MAGI2: variants seen among roughly 807,000 people sequenced by gnomAD.
MAGI2 encodes the protein membrane associated guanylate kinase, WW and PDZ domain containing 2.
In MAGI2, 35 loss-of-function variants were observed where a neutral mutation model predicts 133.3. That is an observed-to-expected ratio of 0.26 (90% CI 0.20 to 0.35). The LOEUF is 0.35. MAGI2 is among the 10% of genes least tolerant of loss of function. The pLI, the probability that MAGI2 is intolerant of heterozygous loss-of-function variation, is 1.00. For missense variants in MAGI2, 1,636 were observed against 1,863.4 expected, an observed-to-expected ratio of 0.88 and a Z score of 2.25; for synonymous variants, 729 against 710.6, an observed-to-expected ratio of 1.03 and a Z score of -0.41.
At chr7:78,877,143 G>A (rs1253629661) in intron 2 of MAGI2, among the ~76,000 whole-genome samples, 1 of 152,152 alleles carries the variant, frequency 6.6e-6, no homozygotes, top group African/African-American at 2.4e-5. Context: ...CGTCACCTTA[G>A]AATACACACT....
At chr7:78,915,627 A>G (rs1798733470) in intron 2 of MAGI2, among the ~76,000 whole-genome samples, 1 of 151,936 alleles carries the variant, frequency 6.6e-6, no homozygotes, top group South Asian at 2.1e-4. Flanking sequence ...TCTCTAAAGT[A>G]TCATATAGCT....
intron 1 of MAGI2, among the ~76,000 whole-genome samples, chr7:79,112,191 T>C (rs1818986834): frequency 6.6e-6 from 1 of 152,112 alleles, no homozygotes; most frequent in Admixed American, 6.5e-5. Context: ...CCTACATCTC[T>C]GAAAGACATC....
chr7:78,333,100 CT>C (rs1562840263), intron 9 of MAGI2, among the ~76,000 whole-genome samples: 1 of 152,060 alleles, frequency 6.6e-6, no homozygotes, highest in African/African-American at 2.4e-5. Context: ...AGATTAAAAC[CT>C]TTTTTTAAAA....
intron 1 of MAGI2, among the ~76,000 whole-genome samples, chr7:79,158,776 C>G (rs1036756502): frequency 5.9e-5 from 9 of 151,844 alleles, no homozygotes; most frequent in Admixed American, 1.3e-4. Flanking sequence ...TGTAAATAAT[C>G]TAGGTAAACT....
intron 3 of MAGI2, among the ~76,000 whole-genome samples, chr7:78,534,505 A>C (rs1195636132): frequency 6.6e-6 from 1 of 152,222 alleles, no homozygotes; most frequent in Admixed American, 6.5e-5. Flanking sequence ...AAATAAATCA[A>C]GTTGCTTGCC....
At chr7:78,209,419 G>A (rs536480123) in intron 10 of MAGI2, among the ~76,000 whole-genome samples, 1 of 149,866 alleles carries the variant, frequency 6.7e-6, no homozygotes, top group East Asian at 2.1e-4. Flanking sequence ...GCACCATCAC[G>A]CCCCACTAAA....
At chr7:78,084,978 G>A (rs555621738) in intron 20 of MAGI2, among the ~76,000 whole-genome samples, 43 of 152,244 alleles carry the variant, frequency 2.8e-4, no homozygotes, top group African/African-American at 9.4e-4. Context: ...ATTAGATCGC[G>A]ATTGAATTAG....
intron 2 of MAGI2, among the ~76,000 whole-genome samples, chr7:78,875,482 T>C (rs191272598): frequency 2.0e-5 from 3 of 152,318 alleles, no homozygotes; most frequent in East Asian, 1.9e-4. Context: ...GACTATAAAA[T>C]TGGCGGCTTG....
intron 2 of MAGI2, among the ~76,000 whole-genome samples, chr7:78,941,979 G>T (rs1355985831): frequency 6.6e-6 from 1 of 151,934 alleles, no homozygotes; most frequent in Non-Finnish European, 1.5e-5. Flanking sequence ...TGCCTATTAA[G>T]CTTCCAATTT....
chr7:79,189,580 G>C lies in MAGI2; in HGVS notation c.302-182374C>G, dbSNP rs1827475698. Among the ~76,000 whole-genome samples, 3 of 151,520 alleles carry C rather than the reference G, an allele frequency of 2.0e-5. No individual in the cohort carries two copies. In the East Asian group the frequency reaches 5.8e-4, roughly 29 times the overall value. ...CCCCCAGCTTCCCTATTAACAACTT[G>C]CAATATGTTATATTTGTTATAATTG... On this transcript the variant is annotated intron_variant, in intron 1 of 21. Transcript: ENST00000354212.
At chr7:78,421,184 C>T (rs778504134) in intron 6 of MAGI2, among the ~76,000 whole-genome samples, 7 of 152,054 alleles carry the variant, frequency 4.6e-5, no homozygotes, top group Non-Finnish European at 8.8e-5. Context: ...AGAGAAAACC[C>T]TAGGAACAAG....
At chr7:78,136,119 CT>C (rs35457952) in intron 16 of MAGI2, among the ~76,000 whole-genome samples, 81,675 of 141,310 alleles carry the variant, frequency 0.58, 23,061 homozygotes, top group Non-Finnish European at 0.61. Flanking sequence ...TTTCTTTCTT[CT>C]TTTTTTTTTT....
chr7:78,694,581 C>G lies in MAGI2; in HGVS notation c.419-67342G>C, dbSNP rs138377572. ...CTCAACTAGGAGTGCCCACAACTTA[C>G]TTTAAAGAGTTTCATCTCCTAACAG... is the stretch of plus-strand genomic sequence containing the variant. On this transcript the variant is annotated intron_variant, in intron 2 of 21. Coordinates refer to ENST00000354212, the MANE Select transcript of MAGI2 (RefSeq NM_012301.4). Among the ~76,000 whole-genome samples, 517 of 152,208 alleles carry G rather than the reference C, an allele frequency of 3.4e-3. 4 individuals are homozygous for G. The highest frequency in any genetic ancestry group is 0.012 in the African/African-American group (503 of 41,534).
intron 1 of MAGI2, among the ~76,000 whole-genome samples, chr7:79,127,282 G>T (rs573658680): frequency 3.9e-5 from 6 of 152,162 alleles, no homozygotes; most frequent in Non-Finnish European, 7.4e-5. Flanking sequence ...TGTCTTTATA[G>T]CACATGATTT....
chr7:78,859,623 G>A (rs1793986179), intron 2 of MAGI2, among the ~76,000 whole-genome samples: 1 of 152,288 alleles, frequency 6.6e-6, no homozygotes, highest in East Asian at 1.9e-4. Context: ...TTTGTCCAAT[G>A]GGCTTCCCTT....
At chr7:78,242,939 C>T (rs1239431781) in intron 10 of MAGI2, among the ~76,000 whole-genome samples, 2 of 151,824 alleles carry the variant, frequency 1.3e-5, no homozygotes, top group African/African-American at 4.8e-5. Context: ...AGGCATGGTG[C>T]CATATGCCTG....
chr7:78,563,156 T>G (rs1800588105), intron 3 of MAGI2, among the ~76,000 whole-genome samples: 1 of 152,182 alleles, frequency 6.6e-6, no homozygotes, highest in Non-Finnish European at 1.5e-5. Flanking sequence ...TTTTAAAGTC[T>G]CTATTAAAGT....
intron 2 of MAGI2, among the ~76,000 whole-genome samples, chr7:78,660,161 T>C (rs1229886696): frequency 6.6e-6 from 1 of 151,930 alleles, no homozygotes; most frequent in Non-Finnish European, 1.5e-5. Flanking sequence ...TTAGGAGATA[T>C]ACCTAATGTA....
intron 1 of MAGI2, among the ~76,000 whole-genome samples, chr7:79,099,680 T>C (rs1347478764): frequency 1.3e-5 from 2 of 152,104 alleles, no homozygotes; most frequent in East Asian, 3.9e-4. Flanking sequence ...CTTTTTTCCA[T>C]GTGTACTTAA....
Sources: gnomAD v4.1 joint callset for allele counts (sites outside exome capture counted in the v4.1 genomes callset) on GRCh38, gnomAD v4.1.1 for gene constraint, MANE v1.5 for transcripts, NCBI Gene and HGNC (gene_info 2026-07-23, HGNC 2026-07-21) for gene names.